Variants in CPLANE1 observed in about 807,000 individuals in gnomAD.
The protein encoded by CPLANE1 is ciliogenesis and planar polarity effector complex subunit 1.
Under a neutral mutation model 362.5 loss-of-function variants are expected in CPLANE1, and 263 were observed. The observed-to-expected ratio is 0.73, with a 90% CI of 0.66 to 0.80. The LOEUF (loss-of-function observed/expected upper bound fraction) is 0.80, where lower values mean the gene tolerates loss of function less well. Ranked by LOEUF, CPLANE1 falls within the 30% of genes least tolerant of loss-of-function variation. The pLI, the probability that CPLANE1 is intolerant of heterozygous loss-of-function variation, is 0.00. For missense variants in CPLANE1, 3,461 were observed against 3,793.4 expected, an observed-to-expected ratio of 0.91 and a Z score of 2.30; for synonymous variants, 1,212 against 1,302.6, an observed-to-expected ratio of 0.93 and a Z score of 1.50.
In CPLANE1 at chr5:37,230,850, C is replaced by T. The variant is rs919405492; in HGVS notation, c.1121+17G>A. Reference sequence around the variant, plus strand: ...AAAAAAATCTATAAACAAATTAACACAATTCAAATGTCTCACCTATACGTT... The same window carrying T: ...AAAAAAATCTATAAACAAATTAACATAATTCAAATGTCTCACCTATACGTT... On this transcript the variant is annotated intron_variant, in intron 9 of 52. Coordinates refer to ENST00000651892, the MANE Select transcript of CPLANE1 (RefSeq NM_001384732.1). 2.9e-6 allele frequency: 4 copies of T among 1,391,470 alleles called. No homozygotes were observed. In the African/African-American group the frequency reaches 5.9e-5, roughly 21 times the overall value. 86.2% of individuals were successfully genotyped at this position (1,391,470 alleles called of 1,614,324 possible).
At chr5:37,233,092 G>A (rs988920458) in intron 8 of CPLANE1, among the ~76,000 whole-genome samples, 1 of 152,136 alleles carries the variant, frequency 6.6e-6, no homozygotes, top group African/African-American at 2.4e-5. Flanking sequence ...TAGGGCTTTG[G>A]GCCTGACACA....
chr5:37,122,892 T>A (rs1329644025), intron 47 of CPLANE1, among the ~76,000 whole-genome samples: 1 of 151,962 alleles, frequency 6.6e-6, no homozygotes, highest in Non-Finnish European at 1.5e-5. Flanking sequence ...AAAAAATAAA[T>A]AAATAAATAA....
At chr5:37,174,671 A>C (rs1780674210) in intron 31 of CPLANE1, among the ~76,000 whole-genome samples, 1 of 152,222 alleles carries the variant, frequency 6.6e-6, no homozygotes, top group South Asian at 2.1e-4. Flanking sequence ...GCAGGCAGTT[A>C]TCAGATTCAA....
At chr5:37,151,371 T>A (rs1773513697) in intron 42 of CPLANE1, among the ~76,000 whole-genome samples, 1 of 152,226 alleles carries the variant, frequency 6.6e-6, no homozygotes, top group Admixed American at 6.5e-5. Context: ...GTCAGGCATA[T>A]CTATGTGCCT....
At chr5:37,092,106 T>C in the CPLANE1 span, among the ~76,000 whole-genome samples, 1 of 152,222 alleles carries the variant, frequency 6.6e-6, no homozygotes, top group Non-Finnish European at 1.5e-5. Context: ...TACTGGCTCT[T>C]ATCTTAGACC....
At chr5:37,184,766 G>C in intron 25 of CPLANE1, 22 bp downstream of exon 25, 1 of 1,585,336 alleles carries the variant, frequency 6.3e-7, no homozygotes, top group South Asian at 1.2e-5. Context: ...GAATGCCAGT[G>C]ATTAAAAGAT....
downstream of CPLANE1, among the ~76,000 whole-genome samples, chr5:37,105,933 GA>G (rs375243650): frequency 7.6e-4 from 115 of 152,156 alleles, 2 homozygotes; most frequent in South Asian, 0.024. Context: ...CTAATCATCA[GA>G]AAAAAGGAAG....
chr5:37,236,320 C>T (rs938131075), intron 8 of CPLANE1, among the ~76,000 whole-genome samples: 2 of 152,060 alleles, frequency 1.3e-5, no homozygotes, highest in Admixed American at 1.3e-4. Context: ...AAAATATACA[C>T]TGGGGAAAGG....
chr5:37,226,250 A>C, intron 12 of CPLANE1, 54 bp downstream of exon 12: 1 of 1,239,316 alleles, frequency 8.1e-7, no homozygotes, highest in African/African-American at 1.5e-5. Context: ...AGTTTCTAAA[A>C]AAGTAAAAAA....
chr5:37,133,211 T>C (rs1369943121), intron 46 of CPLANE1, among the ~76,000 whole-genome samples: 1 of 152,204 alleles, frequency 6.6e-6, no homozygotes, highest in African/African-American at 2.4e-5. Context: ...ACATGATGAC[T>C]CTGGCTTTGC....
chr5:37,177,279 T>A (rs2151060435), intron 30 of CPLANE1, among the ~76,000 whole-genome samples: 1 of 152,322 alleles, frequency 6.6e-6, no homozygotes, highest in African/African-American at 2.4e-5. Context: ...TAATTTATAA[T>A]CATTCTTTAT....
At chr5:37,096,972 G>A in the CPLANE1 span, among the ~76,000 whole-genome samples, 3 of 152,044 alleles carry the variant, frequency 2.0e-5, no homozygotes, top group East Asian at 5.8e-4. Context: ...ATATAAACTA[G>A]TACAGCCACT....
At chr5:37,142,092 A>G in intron 44 of CPLANE1, 7 of 1,020,032 alleles carry the variant, frequency 6.9e-6, no homozygotes, top group Non-Finnish European at 8.6e-6. Flanking sequence ...AATAAGTTAC[A>G]CCAAGATATG....
intron 32 of CPLANE1, among the ~76,000 whole-genome samples, chr5:37,171,226 CT>C (rs1301459031): frequency 1.3e-5 from 2 of 152,262 alleles, no homozygotes; most frequent in East Asian, 1.9e-4. Flanking sequence ...TCCAGAAAAG[CT>C]TGGGAAGCAC....
intron 29 of CPLANE1, among the ~76,000 whole-genome samples, chr5:37,179,146 C>A (rs1443000675): frequency 6.6e-6 from 1 of 152,206 alleles, no homozygotes; most frequent in Non-Finnish European, 1.5e-5. Context: ...GTGAAAACTT[C>A]ATTGCCTGAA....
chr5:37,240,496 G>C (rs959324583), intron 6 of CPLANE1, among the ~76,000 whole-genome samples: 17 of 152,190 alleles, frequency 1.1e-4, no homozygotes, highest in African/African-American at 4.1e-4. Context: ...ATGGGGAGCA[G>C]CATTTTCCCA....
chr5:37,196,797 C>T (rs544185557), intron 20 of CPLANE1, among the ~76,000 whole-genome samples: 3 of 152,116 alleles, frequency 2.0e-5, no homozygotes, highest in Admixed American at 6.6e-5. Context: ...AGGTGGCAGG[C>T]GCCTGTAGTC....
At chr5:37,102,329 A>C (rs1052601481), downstream of CPLANE1, among the ~76,000 whole-genome samples, 1 of 152,114 alleles carries the variant, frequency 6.6e-6, no homozygotes, top group African/African-American at 2.4e-5. Flanking sequence ...CTAGGATTAC[A>C]GGCTTGCACC....
chr5:37,198,792 A>G lies in CPLANE1; in HGVS notation c.3582T>C (p.Val1194=). ...ACTGAGCCGCCCGGAAAAGCAGGAGAACACGCTGAAGGATTCCAGATACCT... is the reference window on the plus strand; with the variant it reads ...ACTGAGCCGCCCGGAAAAGCAGGAGGACACGCTGAAGGATTCCAGATACCT... The part of the protein sequence containing the change: ...RQKVSGILQR[V]LLLFRAAQCS... The change falls in exon 20 of 53, where the codon GTT becomes GTC. Residue 1194 remains valine, a synonymous_variant. Coordinates refer to ENST00000651892, the MANE Select transcript of CPLANE1 (RefSeq NM_001384732.1). 1 of 1,614,162 alleles carries G rather than the reference A, an allele frequency of 6.2e-7. No homozygotes were observed. Among genetic ancestry groups the G allele is most frequent in the Non-Finnish European group, 8.5e-7 (1 of 1,180,030 alleles).
Sources: gnomAD v4.1 joint callset for allele counts (sites outside exome capture counted in the v4.1 genomes callset) on GRCh38, gnomAD v4.1.1 for gene constraint, MANE v1.5 for transcripts, NCBI Gene and HGNC (gene_info 2026-07-23, HGNC 2026-07-21) for gene names.